Variants in CHEK1 observed in about 807,000 individuals in gnomAD.
The protein encoded by CHEK1 is serine/threonine-protein kinase Chk1.
In CHEK1, 32 loss-of-function variants were observed where a neutral mutation model predicts 60.2. That is an observed-to-expected ratio of 0.53 (90% CI 0.40 to 0.71). The LOEUF is 0.71. Among genes scored for constraint, CHEK1 ranks in the 30% least tolerant of loss-of-function variants. The pLI is 0.00. For missense variants in CHEK1, 399 were observed against 564.6 expected (o/e 0.71, Z 2.97); for synonymous variants, 179 against 187.2 (o/e 0.96, Z 0.36).
At chr11:125,678,978 T>TATATATATATATATATATATATATATA (rs1555078666), downstream of CHEK1, among the ~76,000 whole-genome samples, 16 of 88,440 alleles carry the variant, frequency 1.8e-4, no homozygotes, top group South Asian at 1.3e-3. Context: ...TCTAGGCATA[T>TATATATATATATATATATATATATATA]TATATATATA....
chr11:125,672,806 A>C, intron 13 of CHEK1: 1 of 1,515,038 alleles, frequency 6.6e-7, no homozygotes. Flanking sequence ...TCCATGCAGG[A>C]TGGTCAAGAC....
chr11:125,664,142 G>C (rs553259049), intron 13 of CHEK1, among the ~76,000 whole-genome samples: 8 of 152,128 alleles, frequency 5.3e-5, no homozygotes, highest in Admixed American at 2.6e-4. Flanking sequence ...GATGCCTCCA[G>C]GATAATAGCC....
intron 11 of CHEK1, among the ~76,000 whole-genome samples, chr11:125,649,301 C>T (rs532575392): frequency 6.6e-6 from 1 of 152,286 alleles, no homozygotes; most frequent in African/African-American, 2.4e-5. Context: ...ACCCTCCTGC[C>T]TTGGCCTCCC....
At chr11:125,665,222 TTTG>T (rs1942077972) in intron 13 of CHEK1, among the ~76,000 whole-genome samples, 2 of 148,936 alleles carry the variant, frequency 1.3e-5, no homozygotes, top group African/African-American at 4.9e-5. Flanking sequence ...TGTCTCCAGC[TTTG>T]TTTTTTTTTT....
rs1257788498 is a variant in CHEK1 at position 125,637,600 on chromosome 11, C to G, written c.814+56C>G. The stretch of plus-strand genomic sequence containing the variant: ...TTTTCTGTGGAAGAAAAGGTAATTG[C>G]AAAGTTATTATCACAAGTCAACAAC... On this transcript the variant is annotated intron_variant, in intron 8 of 12. Transcript: ENST00000438015. 2.4e-6 allele frequency: 3 copies of G among 1,251,738 alleles called. No homozygotes were observed. The Admixed American group carries it at 5.6e-5, about 23-fold the overall frequency. 77.5% of individuals were successfully genotyped at this position (1,251,738 alleles called of 1,614,324 possible).
chr11:125,659,602 T>C (rs1222053275), downstream of CHEK1, among the ~76,000 whole-genome samples: 2 of 152,174 alleles, frequency 1.3e-5, no homozygotes, highest in Non-Finnish European at 2.9e-5. Context: ...CAGATCTTTA[T>C]ATGATTTATT....
intron 6 of CHEK1, among the ~76,000 whole-genome samples, chr11:125,633,996 TGG>T (rs1940965869): frequency 1.1e-5 from 1 of 87,034 alleles, no homozygotes; most frequent in African/African-American, 4.1e-5. Context: ...AGCTCTATTG[TGG>T]TTTTTTTTTT....
intron 13 of CHEK1, among the ~76,000 whole-genome samples, chr11:125,673,403 A>G (rs1233621546): frequency 6.6e-6 from 1 of 151,760 alleles, no homozygotes; most frequent in Admixed American, 6.6e-5. Flanking sequence ...GGGTTTCACC[A>G]TGTTGGTCAG....
Position 125,635,530 on chromosome 11 carries a change from C to T in CHEK1, c.715C>T (p.Leu239=). The T allele has an allele frequency of 1.3e-6, 2 of 1,584,138 alleles. No homozygotes were observed. Among genetic ancestry groups the T allele is most frequent in the South Asian group, 1.2e-5 (1 of 86,514 alleles). The change falls in exon 7 of 13, where the codon CTA becomes TTA. Residue 239 remains leucine (L), a synonymous_variant. Transcript: ENST00000438015. The stretch of plus-strand genomic sequence containing the variant: ...TTGGAAAAAAATCGATTCTGCTCCT[C>T]TAGGTAACTGAATTATCTTGAGTGA... ...NPWKKIDSAP[L]ALLHKILVEN... is the part of the protein sequence containing the mutation.
At chr11:125,674,065 C>T (rs551406743) in intron 13 of CHEK1, among the ~76,000 whole-genome samples, 5 of 152,080 alleles carry the variant, frequency 3.3e-5, no homozygotes, top group South Asian at 4.2e-4. Context: ...GCAGGAGAAT[C>T]GCTGGGGGGC....
downstream of CHEK1, chr11:125,677,710 A>G: frequency 2.6e-6 from 4 of 1,537,238 alleles, no homozygotes; most frequent in Non-Finnish European, 3.5e-6. Flanking sequence ...TTTCTTCTGC[A>G]CTCCTTCCCT....
intron 1 of CHEK1, chr11:125,626,465 T>A (rs1277078271): frequency 2.1e-6 from 1 of 475,680 alleles, no homozygotes; most frequent in Non-Finnish European, 3.8e-6. Flanking sequence ...GGAAAGCATT[T>A]GTCTCCCACC....
chr11:125,659,370 A>G (rs1240840516), downstream of CHEK1, among the ~76,000 whole-genome samples: 3 of 151,724 alleles, frequency 2.0e-5, no homozygotes, highest in Non-Finnish European at 4.4e-5. Flanking sequence ...TTTGATTGCT[A>G]TGATAGTTTC....
chr11:125,658,642 T>A (rs774895147), downstream of CHEK1, among the ~76,000 whole-genome samples: 5 of 151,804 alleles, frequency 3.3e-5, no homozygotes, highest in Non-Finnish European at 7.4e-5. Flanking sequence ...AAGATTTTCT[T>A]GTATGTAATC....
chr11:125,672,328 C>A, intron 13 of CHEK1: 1 of 370,764 alleles, frequency 2.7e-6, no homozygotes. Context: ...CTGTCTTGAG[C>A]CTGTGTGCTT....
chr11:125,631,259 G>T (rs1940848239), intron 5 of CHEK1, among the ~76,000 whole-genome samples: 1 of 151,952 alleles, frequency 6.6e-6, no homozygotes, highest in African/African-American at 2.4e-5. Context: ...TAATATACAA[G>T]ATATAATTCT....
At chr11:125,626,233 A>C in intron 1 of CHEK1, 1 of 571,000 alleles carries the variant, frequency 1.8e-6, no homozygotes, top group Non-Finnish European at 3.1e-6. Flanking sequence ...CTAGCTAAGA[A>C]CCCCAAGGAA....
intron 11 of CHEK1, among the ~76,000 whole-genome samples, chr11:125,645,443 A>G (rs765867178): frequency 4.6e-5 from 7 of 152,214 alleles, no homozygotes; most frequent in Non-Finnish European, 8.8e-5. Flanking sequence ...AAAGACAAAT[A>G]GGGTAGCTGT....
downstream of CHEK1, among the ~76,000 whole-genome samples, chr11:125,679,216 C>CTTTTTTTTT (rs71045115): frequency 3.5e-3 from 426 of 121,000 alleles, 17 homozygotes; most frequent in Middle Eastern, 0.014. Flanking sequence ...CCGTCTCTTT[C>CTTTTTTTTT]TTTTTTTTTT....
Sources: allele counts gnomAD v4.1 joint callset (sites outside exome capture counted in the v4.1 genomes callset), GRCh38; gene constraint gnomAD v4.1.1; transcripts MANE v1.5; gene names NCBI Gene and HGNC (gene_info 2026-07-23, HGNC 2026-07-21).